COLGALT2: variants seen among roughly 807,000 people sequenced by gnomAD.
The protein encoded by COLGALT2 is procollagen galactosyltransferase 2.
COLGALT2 carries 49 observed loss-of-function variants against 73.4 expected under a neutral mutation model. That is an observed-to-expected ratio of 0.67 (90% CI 0.53 to 0.85). The LOEUF (loss-of-function observed/expected upper bound fraction) is 0.85. COLGALT2 is among the 40% of genes least tolerant of loss of function. The pLI, the probability that COLGALT2 is intolerant of heterozygous loss-of-function variation, is 0.00. For synonymous variants in COLGALT2, 295 were observed against 307.6 expected (o/e 0.96, Z 0.43); for missense variants, 722 against 790.2 (o/e 0.91, Z 1.03).
rs932612999 is a variant in COLGALT2, at chr1:183,990,530, G to A, written c.264-12010C>T. Among the ~76,000 whole-genome samples, 4 of 152,208 alleles carry A rather than the reference G, an allele frequency of 2.6e-5. No individual in the cohort carries two copies. In the South Asian group the frequency reaches 8.3e-4, roughly 32 times the overall value. Reference sequence around the variant, plus strand: ...TGTAATTTGGTATGACATTGTTGACGATGGATATATGACAAGGTCTCCAAG... The same window carrying A: ...TGTAATTTGGTATGACATTGTTGACAATGGATATATGACAAGGTCTCCAAG... On this transcript the variant is annotated intron_variant, in intron 1 of 11. Coordinates refer to ENST00000361927, the MANE Select transcript of COLGALT2 (RefSeq NM_015101.4).
chr1:183,998,525 T>C (rs1482254282), intron 1 of COLGALT2, among the ~76,000 whole-genome samples: 1 of 152,164 alleles, frequency 6.6e-6, no homozygotes, highest in African/African-American at 2.4e-5. Flanking sequence ...CCCCTCATCT[T>C]ATTGTTTTGC....
intron 1 of COLGALT2, among the ~76,000 whole-genome samples, chr1:184,001,294 A>C (rs76113850): frequency 6.6e-6 from 1 of 152,118 alleles, no homozygotes; most frequent in Non-Finnish European, 1.5e-5. Context: ...CAGCTTAACT[A>C]TGATGCATCA....
chr1:184,036,039 T>C (rs533421432), intron 1 of COLGALT2, among the ~76,000 whole-genome samples: 2 of 152,326 alleles, frequency 1.3e-5, no homozygotes, highest in East Asian at 1.9e-4. Flanking sequence ...GTGTCTCGCC[T>C]GAGAACAGCT....
At chr1:184,019,386 T>C (rs751590031) in intron 1 of COLGALT2, among the ~76,000 whole-genome samples, 3 of 152,206 alleles carry the variant, frequency 2.0e-5, no homozygotes, top group Non-Finnish European at 2.9e-5. Context: ...AGCTCAAATA[T>C]TGATTTACGG....
At chr1:183,932,478 TC>T (rs374451234), downstream of COLGALT2, among the ~76,000 whole-genome samples, 210 of 152,046 alleles carry the variant, frequency 1.4e-3, no homozygotes, top group African/African-American at 4.9e-3. Flanking sequence ...TCCAACCTCC[TC>T]CCGGGAGGAG....
intron 1 of COLGALT2, among the ~76,000 whole-genome samples, chr1:184,003,920 G>A (rs756044113): frequency 2.0e-4 from 31 of 152,264 alleles, no homozygotes; most frequent in Non-Finnish European, 2.8e-4. Context: ...CAAAGAAGAC[G>A]AAGAGGATAT....
At chr1:184,028,088 C>T (rs1418994419) in intron 1 of COLGALT2, among the ~76,000 whole-genome samples, 8 of 152,154 alleles carry the variant, frequency 5.3e-5, no homozygotes, top group African/African-American at 1.4e-4. Flanking sequence ...AAACCATAAT[C>T]ATTGTGGTGT....
intron 1 of COLGALT2, among the ~76,000 whole-genome samples, chr1:183,980,384 T>C (rs573428995): frequency 2.0e-5 from 3 of 152,086 alleles, no homozygotes; most frequent in South Asian, 4.1e-4. Flanking sequence ...ATGGTAAGGA[T>C]GGGAAACAAG....
intron 1 of COLGALT2, among the ~76,000 whole-genome samples, chr1:184,033,208 G>A (rs1926875): frequency 0.22 from 33,374 of 152,076 alleles, 3,838 homozygotes; most frequent in East Asian, 0.47. Flanking sequence ...GCCATGCTTC[G>A]GTTTTCACTG....
chr1:183,973,719 G>A lies in COLGALT2; in HGVS notation c.524C>T (p.Pro175Leu), dbSNP rs775622612. The A allele has an allele frequency of 1.9e-6, 3 of 1,613,604 alleles. No individual in the cohort carries two copies. Among genetic ancestry groups the A allele is most frequent in the Non-Finnish European group, 1.7e-6 (2 of 1,179,750 alleles). ...TGCAATCAGTAGATTGAGGGTCTGT[G>A]GATTAGTCAGGAAATTGTCAACATC... ...FIDVDNFLTN[P>L]QTLNLLIAEN... Residue 175 changes from proline (P) to leucine (L), a missense_variant, in exon 4 of 12, where the codon CCA becomes CTA. By Grantham distance (98) the Pro-to-Leu change is moderately conservative. Transcript: ENST00000361927.
intron 2 of COLGALT2, among the ~76,000 whole-genome samples, chr1:183,975,806 T>TA (rs1176479718): frequency 6.6e-6 from 1 of 152,130 alleles, no homozygotes; most frequent in Non-Finnish European, 1.5e-5. Flanking sequence ...CATGGCCACA[T>TA]AGGCAAGTGG....
Position 183,960,005 on chromosome 1 carries a change from ACT to A in COLGALT2, c.952+3894_952+3895del, listed in dbSNP as rs1219827964. On this transcript the variant is annotated intron_variant, in intron 6 of 11. Coordinates refer to ENST00000361927, the MANE Select transcript of COLGALT2 (RefSeq NM_015101.4). ...TCCCAGATATATTGTCTATTGTCTA[ACT>A]CTCTGTGTTAGAATATAAGTTCCCT... Among the ~76,000 whole-genome samples, 6 of 151,980 alleles carry A rather than the reference ACT, an allele frequency of 3.9e-5. No homozygotes were observed. The East Asian group carries it at 9.6e-4, about 24-fold the overall frequency.
intron 1 of COLGALT2, among the ~76,000 whole-genome samples, chr1:184,021,494 C>G (rs74130999): frequency 0.033 from 5,020 of 152,102 alleles, 265 homozygotes; most frequent in African/African-American, 0.11. Context: ...CAAGTTTGGC[C>G]TCTCTTGTTC....
intron 1 of COLGALT2, among the ~76,000 whole-genome samples, chr1:184,021,898 G>A (rs994099973): frequency 6.6e-6 from 1 of 152,202 alleles, no homozygotes; most frequent in Non-Finnish European, 1.5e-5. Flanking sequence ...GACAGGATTT[G>A]CAGCCCATGT....
In COLGALT2 at chr1:183,969,445, A is replaced by T; in HGVS notation, c.656T>A (p.Val219Asp). 1.2e-6 allele frequency: 2 copies of T among 1,613,182 alleles called. No homozygotes were observed. The highest frequency in any genetic ancestry group is 1.7e-6 in the Non-Finnish European group (2 of 1,179,540). ...TGTCCTCTTCCATTCTCGAATCTGA[A>T]CGTAGTCTGGGGTCCTCTTATAGAA... is the stretch of plus-strand genomic sequence containing the variant. ...KGFYKRTPDYVQIREWKRTGC... is the reference protein window; with the variant it reads ...KGFYKRTPDYDQIREWKRTGC... The change falls in exon 5 of 12, where the codon GTT (valine) becomes GAT (aspartate). Residue 219 changes from valine to aspartate, a missense_variant. Transcript: ENST00000361927.
At chr1:183,964,746 G>T (rs1486985870) in intron 5 of COLGALT2, among the ~76,000 whole-genome samples, 7 of 152,162 alleles carry the variant, frequency 4.6e-5, no homozygotes, top group African/African-American at 1.7e-4. Context: ...GAGTTATAAG[G>T]CATCTGTGTT....
intron 1 of COLGALT2, among the ~76,000 whole-genome samples, chr1:184,025,534 C>T (rs1214778430): frequency 6.6e-6 from 1 of 152,186 alleles, no homozygotes; most frequent in Admixed American, 6.5e-5. Context: ...ATATGCAGCT[C>T]CCTTAGTCAA....
At chr1:183,935,541 C>T (rs1300142422), downstream of COLGALT2, among the ~76,000 whole-genome samples, 1 of 152,232 alleles carries the variant, frequency 6.6e-6, no homozygotes, top group East Asian at 1.9e-4. Flanking sequence ...AACGGATAGG[C>T]TGACCTGTAG....
chr1:183,935,001 G>T (rs979911824), downstream of COLGALT2, among the ~76,000 whole-genome samples: 6 of 152,182 alleles, frequency 3.9e-5, no homozygotes, highest in Non-Finnish European at 7.3e-5. Flanking sequence ...AGTCTTGTTT[G>T]TTATCAACCC....
Sources: gnomAD v4.1 joint callset for allele counts (sites outside exome capture counted in the v4.1 genomes callset) on GRCh38, gnomAD v4.1.1 for gene constraint, MANE v1.5 for transcripts, NCBI Gene and HGNC (gene_info 2026-07-23, HGNC 2026-07-21) for gene names.